NTNG1: variants seen among roughly 807,000 people sequenced by gnomAD.
NTNG1 encodes the protein netrin-G1.
A neutral mutation model predicts 54.0 loss-of-function variants in NTNG1; 16 were observed. The observed-to-expected ratio is 0.30, with a 90% CI of 0.20 to 0.45. The LOEUF is 0.45. NTNG1 is among the 20% of genes least tolerant of loss of function. The probability of loss-of-function intolerance (pLI) is 1.00; values close to 1 mark genes in which losing one functional copy is unlikely to be tolerated. For synonymous variants in NTNG1, 255 were observed against 263.1 expected, an observed-to-expected ratio of 0.97 and a Z score of 0.30; for missense variants, 530 against 678.7, an observed-to-expected ratio of 0.78 and a Z score of 2.43.
chr1:107,408,471 A>C (rs1461448432), intron 5 of NTNG1: 1 of 152,382 alleles, frequency 6.6e-6, no homozygotes, highest in African/African-American at 2.4e-5. Context: ...TCTGTAGAAC[A>C]CTTCCCCAGT....
intron 2 of NTNG1, among the ~76,000 whole-genome samples, chr1:107,280,828 A>G (rs1176964963): frequency 6.6e-6 from 1 of 151,370 alleles, no homozygotes; most frequent in Admixed American, 6.6e-5. Flanking sequence ...AGTTTATTTA[A>G]TTTATTTCAC....
intron 1 of NTNG1, among the ~76,000 whole-genome samples, chr1:107,141,807 C>T (rs1281479325): frequency 6.6e-6 from 1 of 152,230 alleles, no homozygotes; most frequent in Admixed American, 6.5e-5. Context: ...CTCTCACGCA[C>T]ACCTGGCCAC....
At chr1:107,350,531 A>T (rs964523075) in intron 3 of NTNG1, among the ~76,000 whole-genome samples, 3 of 152,230 alleles carry the variant, frequency 2.0e-5, no homozygotes, top group Admixed American at 6.5e-5. Flanking sequence ...TCAAAGAGAT[A>T]TCTGCACTCC....
At chr1:107,330,747 A>C (rs1668226816) in intron 3 of NTNG1, 1 of 152,158 alleles carries the variant, frequency 6.6e-6, no homozygotes. Flanking sequence ...TATAGGTTTG[A>C]GAATTATTAC....
chr1:107,347,685 T>C (rs551672483), intron 3 of NTNG1, among the ~76,000 whole-genome samples: 9 of 152,232 alleles, frequency 5.9e-5, no homozygotes, highest in African/African-American at 1.4e-4. Flanking sequence ...TACCCGAGAC[T>C]GGGTAATTTA....
chr1:107,340,930 C>T (rs1371788867), intron 3 of NTNG1, among the ~76,000 whole-genome samples: 1 of 152,002 alleles, frequency 6.6e-6, no homozygotes, highest in Non-Finnish European at 1.5e-5. Flanking sequence ...AATGCAAGTA[C>T]ATATTAAACT....
In NTNG1 at chr1:107,465,754, A is replaced by G. The variant is rs142619725; in HGVS notation, c.1391-14857A>G. ...AGTGCTTTGCAAACAGAAAGACTTC[A>G]GCTCTGATCCTGCCTCTGCTGCTCA... On this transcript the variant is annotated intron_variant, in intron 7 of 7. Coordinates refer to ENST00000370068, the MANE Select transcript of NTNG1 (RefSeq NM_001113226.3). Among the ~76,000 whole-genome samples, 212 of 152,330 alleles carry G rather than the reference A, an allele frequency of 1.4e-3. 1 individual carries two copies. The East Asian group carries it at 0.024, about 17-fold the overall frequency.
chr1:107,317,365 A>AT (rs1410820791), intron 2 of NTNG1, among the ~76,000 whole-genome samples: 2 of 152,170 alleles, frequency 1.3e-5, no homozygotes, highest in Non-Finnish European at 2.9e-5. Flanking sequence ...CTTATTAGTG[A>AT]TTTTTTAAAG....
At chr1:107,335,956 A>T (rs968600842) in intron 3 of NTNG1, among the ~76,000 whole-genome samples, 2 of 151,962 alleles carry the variant, frequency 1.3e-5, no homozygotes, top group African/African-American at 4.8e-5. Flanking sequence ...ATGGGAAGAC[A>T]TCCTATGTTC....
At chr1:107,317,576 T>C (rs1385656642) in intron 2 of NTNG1, among the ~76,000 whole-genome samples, 3 of 152,186 alleles carry the variant, frequency 2.0e-5, no homozygotes, top group Non-Finnish European at 4.4e-5. Flanking sequence ...ATTTGGCTCC[T>C]TCTTAAAAAC....
intron 2 of NTNG1, among the ~76,000 whole-genome samples, chr1:107,313,105 G>T (rs1311210182): frequency 2.6e-5 from 4 of 152,110 alleles, no homozygotes; most frequent in Non-Finnish European, 5.9e-5. Flanking sequence ...GTAGCAAAAT[G>T]ATCTACTTTG....
At chr1:107,141,283 C>T (rs1653662323) in intron 1 of NTNG1, 143 bp downstream of exon 1, 1 of 151,094 alleles carries the variant, frequency 6.6e-6, no homozygotes, top group Non-Finnish European at 1.5e-5. Flanking sequence ...CCTCCCGCTC[C>T]GCCCGCTCCC....
chr1:107,313,354 G>A (rs1667135497), intron 2 of NTNG1, among the ~76,000 whole-genome samples: 1 of 152,118 alleles, frequency 6.6e-6, no homozygotes, highest in South Asian at 2.1e-4. Context: ...TATTCAGGAA[G>A]GAAGAGGGAG....
rs535130825 is a variant in NTNG1, at chr1:107,333,117, T to C, written c.887+8195T>C. Among the ~76,000 whole-genome samples, 25 of 152,126 alleles carry C rather than the reference T, an allele frequency of 1.6e-4. No homozygotes were observed. In the South Asian group the frequency reaches 2.3e-3, roughly 14 times the overall value. The stretch of plus-strand genomic sequence containing the variant: ...TGGCTCTCTCTTGCATTGTGACTGG[T>C]ACCTAAGACAACTGATATTGTGCTA... On this transcript the variant is annotated intron_variant, in intron 3 of 7. Coordinates refer to ENST00000370068, the MANE Select transcript of NTNG1 (RefSeq NM_001113226.3).
intron 7 of NTNG1, among the ~76,000 whole-genome samples, chr1:107,448,817 T>C (rs1676452434): frequency 6.6e-6 from 1 of 152,060 alleles, no homozygotes; most frequent in Non-Finnish European, 1.5e-5. Context: ...AGAAAAACCA[T>C]GAAAACTTAA....
At chr1:107,260,981 A>C (rs539868918) in intron 2 of NTNG1, 1 of 152,408 alleles carries the variant, frequency 6.6e-6, no homozygotes, top group East Asian at 1.9e-4. Context: ...AAGGAAAAGG[A>C]TCTAGAGATC....
chr1:107,377,873 C>T (rs1671397762), intron 3 of NTNG1, among the ~76,000 whole-genome samples: 2 of 152,330 alleles, frequency 1.3e-5, no homozygotes, highest in African/African-American at 4.8e-5. Flanking sequence ...TTGGCTATTT[C>T]ACAGGATCAG....
At chr1:107,235,474 A>G (rs1409297476) in intron 2 of NTNG1, among the ~76,000 whole-genome samples, 1 of 152,172 alleles carries the variant, frequency 6.6e-6, no homozygotes, top group Non-Finnish European at 1.5e-5. Context: ...CTGAGTATAG[A>G]CTGTTATGGA....
intron 2 of NTNG1, among the ~76,000 whole-genome samples, chr1:107,271,206 T>A (rs1664123110): frequency 6.6e-6 from 1 of 152,180 alleles, no homozygotes. Flanking sequence ...AGAATTTTTT[T>A]TTATTATTAT....
Sources: allele counts gnomAD v4.1 joint callset (sites outside exome capture counted in the v4.1 genomes callset), GRCh38; gene constraint gnomAD v4.1.1; transcripts MANE v1.5; gene names NCBI Gene and HGNC (gene_info 2026-07-23, HGNC 2026-07-21).